ZNF114: variants seen among roughly 807,000 people sequenced by gnomAD.
ZNF114 encodes zinc finger protein 114 (Y18).
A neutral mutation model predicts 6.8 loss-of-function variants in ZNF114; 8 were observed. That is an observed-to-expected ratio of 1.18 (90% CI 0.69 to 2.13). The LOEUF (loss-of-function observed/expected upper bound fraction) is 2.13. ZNF114 is among the 30% of genes most tolerant of loss of function. The pLI, the probability that ZNF114 is intolerant of heterozygous loss-of-function variation, is 0.00. For synonymous variants in ZNF114, 169 were observed against 185.5 expected (o/e 0.91, Z 0.72); for missense variants, 472 against 519.5 (o/e 0.91, Z 0.89).
chr19:48,282,120 G>C (rs534009640), intron 4 of ZNF114: 3 of 312,366 alleles, frequency 9.6e-6, no homozygotes, highest in Non-Finnish European at 1.8e-5. Flanking sequence ...GGCTGGTCTC[G>C]AACTCCTGAC....
rs1249045969 is a variant in ZNF114, at chr19:48,279,764, G to A, written c.-36G>A. ...CACCTGCCTCCTTGAAGGAAACACG[G>A]GGAAGCCAGGACTGGCCGTCACGTT... On this transcript the variant is annotated 5_prime_UTR_variant, in exon 4 of 6. Coordinates refer to ENST00000595607, the MANE Select transcript of ZNF114 (RefSeq NM_153608.4). The A allele has an allele frequency of 6.2e-7, 1 of 1,613,946 alleles. No homozygotes were observed. Among genetic ancestry groups the A allele is most frequent in the Admixed American group, 1.7e-5 (1 of 60,012 alleles).
intron 3 of ZNF114, among the ~76,000 whole-genome samples, chr19:48,273,363 A>G (rs1051390951): frequency 3.3e-5 from 5 of 151,806 alleles, no homozygotes; most frequent in South Asian, 2.1e-4. Context: ...GCAAAAGCCA[A>G]CCTCAGCCTG....
rs928381363 is a variant in ZNF114 at position 48,278,849 on chromosome 19, A to T, written c.-69-882A>T. Among the ~76,000 whole-genome samples, 25 of 152,206 alleles carry T rather than the reference A, an allele frequency of 1.6e-4. 1 individual carries two copies. Among genetic ancestry groups the T allele is most frequent in the Non-Finnish European group, 4.4e-5 (3 of 68,036 alleles). On this transcript the variant is annotated intron_variant, in intron 3 of 5. Coordinates refer to ENST00000595607, the MANE Select transcript of ZNF114 (RefSeq NM_153608.4). ...TGGCATCTAATCGGGAGGCTGAGAC[A>T]GGAGAATCACTTGAACCAGGGAGGC... is the stretch of plus-strand genomic sequence containing the variant.
rs1020083024 is a variant in ZNF114, at chr19:48,286,417, A to G, written c.793A>G (p.Met265Val). 1.9e-6 allele frequency: 3 copies of G among 1,614,110 alleles called. No individual in the cohort carries two copies. The African/African-American group carries it at 4.0e-5, about 22-fold the overall frequency. The change falls in exon 6 of 6, where the codon ATG (methionine) becomes GTG (valine). Residue 265 changes from methionine to valine, a missense_variant. By Grantham distance (21) the Met-to-Val change is conservative. Transcript: ENST00000595607. Reference sequence around the variant, plus strand: ...CTCCAGAAATAACTCAATTCACGCCATGCAGATGCAGTTGTATACCGCAGA... The same window carrying G: ...CTCCAGAAATAACTCAATTCACGCCGTGCAGATGCAGTTGTATACCGCAGA... ...NTSRNNSIHA[M>V]QMQLYTAETN... is the part of the protein sequence containing the mutation.
intron 3 of ZNF114, among the ~76,000 whole-genome samples, chr19:48,275,754 G>A (rs1001950251): frequency 1.3e-5 from 2 of 151,990 alleles, no homozygotes; most frequent in Non-Finnish European, 2.9e-5. Context: ...CAGCCCTTTG[G>A]GAGGCCGAGG....
intron 5 of ZNF114, 141 bp downstream of exon 5, chr19:48,282,638 G>T (rs1968021412): frequency 2.5e-6 from 2 of 813,066 alleles, no homozygotes; most frequent in Non-Finnish European, 1.7e-6. Flanking sequence ...GTAGGTGTAG[G>T]GTTCACCATG....
chr19:48,277,834 T>TGTGTGTGTGTG (rs59910115), intron 3 of ZNF114, among the ~76,000 whole-genome samples: 34 of 149,640 alleles, frequency 2.3e-4, no homozygotes, highest in Non-Finnish European at 3.6e-4. Flanking sequence ...TGTGTGTGTG[T>TGTGTGTGTGTG]TCGTGACGAT....
intron 3 of ZNF114, among the ~76,000 whole-genome samples, chr19:48,273,915 G>T (rs1967752310): frequency 6.6e-6 from 1 of 151,578 alleles, no homozygotes; most frequent in Non-Finnish European, 1.5e-5. Context: ...CCGCCACCAC[G>T]CCCGGCTAAT....
Position 48,286,310 on chromosome 19 carries a change from CT to C in ZNF114, c.689del (p.Phe230SerfsTer91), listed in dbSNP as rs770533531. ...NRHQRNPFGK[A>X]FREDGSLRAH... Reference sequence around the variant, plus strand: ...CACCAGCGGAATCCATTTGGAAAAGCTTTCCGTGAAGACGGATCCCTTAGGG... The same window carrying C: ...CACCAGCGGAATCCATTTGGAAAAGCTTCCGTGAAGACGGATCCCTTAGGG... On this transcript the variant is annotated frameshift_variant, in exon 6 of 6. Coordinates refer to ENST00000595607, the MANE Select transcript of ZNF114 (RefSeq NM_153608.4). LOFTEE classifies it low-confidence loss of function (END_TRUNC). 4.3e-6 allele frequency: 7 copies of C among 1,614,080 alleles called. No homozygotes were observed. The Admixed American group carries it at 1.2e-4, about 27-fold the overall frequency.
chr19:48,272,401 G>C (rs1326752324), intron 3 of ZNF114, among the ~76,000 whole-genome samples: 3 of 115,740 alleles, frequency 2.6e-5, no homozygotes, highest in Non-Finnish European at 5.4e-5. Flanking sequence ...GACAGAGGGA[G>C]ACTCTGTCTC....
In ZNF114 at chr19:48,282,382, C is replaced by T. The variant is rs781001820; in HGVS notation, c.21C>T (p.Thr7=). The T allele has an allele frequency of 2.5e-5, 41 of 1,612,612 alleles. No homozygotes were observed. Among genetic ancestry groups the T allele is most frequent in the African/African-American group, 1.2e-4 (9 of 74,850 alleles). ...ATGTGTTATTTTAGGACTCGGTGAC[C>T]TTCGCAGACGTGGCTGTGAACTTCA... MSQDSV[T]FADVAVNFTK... is the part of the protein sequence containing the mutation. The change falls in exon 5 of 6, where the codon ACC becomes ACT. Residue 7 remains threonine, a synonymous_variant. Transcript: ENST00000595607.
At chr19:48,277,795 GTGTGTGTGTGT>G (rs1380744273) in intron 3 of ZNF114, among the ~76,000 whole-genome samples, 999 of 24,698 alleles carry the variant, frequency 0.04, 11 homozygotes, top group African/African-American at 0.081. Context: ...GAGGCATTGG[GTGTGTGTGTGT>G]GTGTGTGTGT....
intron 5 of ZNF114, among the ~76,000 whole-genome samples, chr19:48,282,938 A>T (rs1968030333): frequency 6.7e-6 from 1 of 150,260 alleles, no homozygotes; most frequent in East Asian, 2.0e-4. Context: ...CTTGTCTTGA[A>T]CTCCTGACCT....
chr19:48,278,422 C>T (rs113458755), intron 3 of ZNF114, among the ~76,000 whole-genome samples: 2,476 of 152,238 alleles, frequency 0.016, 61 homozygotes, highest in African/African-American at 0.056. Context: ...TCTATAGATT[C>T]GCCTATTCTG....
chr19:48,282,710 AT>A (rs1180634031), intron 5 of ZNF114, among the ~76,000 whole-genome samples: 1 of 146,176 alleles, frequency 6.8e-6, no homozygotes, highest in Middle Eastern at 3.5e-3. Context: ...ATTTTATTTT[AT>A]TTTATTTTAT....
intron 3 of ZNF114, among the ~76,000 whole-genome samples, chr19:48,273,867 C>G (rs1967750573): frequency 6.6e-6 from 1 of 150,854 alleles, no homozygotes; most frequent in Non-Finnish European, 1.5e-5. Flanking sequence ...TCGCCATTCT[C>G]CTGCCTCAGG....
chr19:48,286,252 A>G lies in ZNF114; in HGVS notation c.628A>G (p.Ile210Val). Residue 210 changes from isoleucine (I) to valine (V), a missense_variant, in exon 6 of 6, where the codon ATA (isoleucine) becomes GTA (valine). Ile to Val is a conservative substitution (Grantham distance 29). Transcript: ENST00000595607. ...TGGCAGTCAGAACACTGTGCATCAT[A>G]TACGTGATGAAATTGATACGGGGGC... ...WTGSQNTVHH[I>V]RDEIDTGANR... 2 of 1,614,166 alleles carry G rather than the reference A, an allele frequency of 1.2e-6. No homozygotes were observed. The highest frequency in any genetic ancestry group is 1.7e-6 in the Non-Finnish European group (2 of 1,180,042).
intron 3 of ZNF114, among the ~76,000 whole-genome samples, chr19:48,278,231 C>T (rs776652078): frequency 3.3e-5 from 5 of 152,160 alleles, no homozygotes; most frequent in East Asian, 1.9e-4. Context: ...CCAACGCGCC[C>T]GGCCCAATTC....
At chr19:48,280,409 A>G (rs981163255) in intron 4 of ZNF114, among the ~76,000 whole-genome samples, 1 of 151,972 alleles carries the variant, frequency 6.6e-6, no homozygotes, top group Non-Finnish European at 1.5e-5. Flanking sequence ...TAAAATAAAA[A>G]GAAAGTGTTT....
Sources: gnomAD v4.1 joint callset for allele counts (sites outside exome capture counted in the v4.1 genomes callset) on GRCh38, gnomAD v4.1.1 for gene constraint, MANE v1.5 for transcripts, NCBI Gene and HGNC (gene_info 2026-07-23, HGNC 2026-07-21) for gene names.